The following ANO5 variants were observed in gnomAD, a reference collection of about 807,000 sequenced individuals.
ANO5 encodes anoctamin 5.
Under a neutral mutation model 121.0 loss-of-function variants are expected in ANO5, and 109 were observed. The observed-to-expected ratio is 0.90, with a 90% CI of 0.77 to 1.06. The LOEUF is 1.06. Among genes scored for constraint, ANO5 ranks in the 50% least tolerant of loss-of-function variants. ANO5 has a pLI of 0.00. For synonymous variants in ANO5, 406 were observed against 359.9 expected, an observed-to-expected ratio of 1.13 and a Z score of -1.45; for missense variants, 1,064 against 1,078.5, an observed-to-expected ratio of 0.99 and a Z score of 0.19.
chr11:22,203,539 A>G (rs924428687), intron 1 of ANO5, among the ~76,000 whole-genome samples: 6 of 152,146 alleles, frequency 3.9e-5, no homozygotes, highest in African/African-American at 9.6e-5. Context: ...CATTGATCAG[A>G]GTTAAGTTTA....
intron 9 of ANO5, 50 bp downstream of exon 9, chr11:22,239,734 T>C (rs1412435516): frequency 2.2e-6 from 3 of 1,383,320 alleles, no homozygotes; most frequent in Non-Finnish European, 3.1e-6. Flanking sequence ...TAATGTGATT[T>C]TTATTCACAA....
intron 17 of ANO5, 124 bp downstream of exon 17, chr11:22,263,167 C>T: frequency 1.3e-6 from 1 of 762,420 alleles, no homozygotes; most frequent in Non-Finnish European, 2.2e-6. Context: ...CAAAAGAAAG[C>T]TTTATTTTTA....
At chr11:22,239,836 G>C (rs1164151120) in intron 9 of ANO5, 152 bp downstream of exon 9, 1 of 664,406 alleles carries the variant, frequency 1.5e-6, no homozygotes, top group Non-Finnish European at 2.7e-6. Context: ...AATTCATTTA[G>C]GAGAATGTTG....
chr11:22,243,693 A>T (rs1838160787), intron 9 of ANO5, among the ~76,000 whole-genome samples: 1 of 38,560 alleles, frequency 2.6e-5, no homozygotes, highest in African/African-American at 5.4e-5. Flanking sequence ...AGATTTTCTA[A>T]TTTATGTGCA....
intron 18 of ANO5, among the ~76,000 whole-genome samples, chr11:22,272,302 GCACACACACACA>G (rs60487083): frequency 6.3e-4 from 85 of 134,570 alleles, no homozygotes; most frequent in Non-Finnish European, 7.9e-4. Context: ...TCCTTTTCCG[GCACACACACACA>G]CACACACACA....
chr11:22,257,510 T>G (rs1235405607), intron 13 of ANO5, among the ~76,000 whole-genome samples, 170 bp from the exon 14 acceptor site: 2 of 152,110 alleles, frequency 1.3e-5, no homozygotes, highest in Non-Finnish European at 2.9e-5. Context: ...GGCCTGGAGA[T>G]TTCTCCTTCA....
At chr11:22,274,865 T>G (rs1174394877) in intron 20 of ANO5, 118 bp downstream of exon 20, 1 of 1,301,562 alleles carries the variant, frequency 7.7e-7, no homozygotes, top group Non-Finnish European at 1.1e-6. Flanking sequence ...ACAAAAATCC[T>G]GTATAAATAA....
Position 22,240,522 on chromosome 11 carries a change from C to T in ANO5, c.878+838C>T, listed in dbSNP as rs139811722. Among the ~76,000 whole-genome samples the T allele has an allele frequency of 3.4e-3, 514 of 152,122 alleles. 2 individuals carry two copies. Among genetic ancestry groups the T allele is most frequent in the African/African-American group, 0.012 (495 of 41,522 alleles). On this transcript the variant is annotated intron_variant, in intron 9 of 21. Coordinates refer to ENST00000324559, the MANE Select transcript of ANO5 (RefSeq NM_213599.3). ...AGTATGTTTAAGTCAAACTAGAGGA[C>T]ACATTTTGGAAAATTAATGTCACTT... is the stretch of plus-strand genomic sequence containing the variant.
intron 5 of ANO5, among the ~76,000 whole-genome samples, chr11:22,222,802 C>T (rs751141747): frequency 5.9e-5 from 9 of 151,966 alleles, no homozygotes; most frequent in Non-Finnish European, 1.3e-4. Flanking sequence ...TGTATTTGTG[C>T]CCATGGACCT....
intron 17 of ANO5, among the ~76,000 whole-genome samples, chr11:22,266,082 T>G (rs1854354766): frequency 6.6e-6 from 1 of 152,202 alleles, no homozygotes; most frequent in Non-Finnish European, 1.5e-5. Flanking sequence ...ATGTGAAACT[T>G]GCTCCTCATT....
chr11:22,238,536 C>T (rs1176191003), intron 8 of ANO5, among the ~76,000 whole-genome samples: 2 of 152,070 alleles, frequency 1.3e-5, no homozygotes, highest in East Asian at 3.9e-4. Context: ...CAGTGTTAGG[C>T]ACTGGATTTT....
chr11:22,246,676 A>G (rs1211831919), intron 9 of ANO5, among the ~76,000 whole-genome samples: 2 of 151,910 alleles, frequency 1.3e-5, no homozygotes, highest in African/African-American at 4.8e-5. Flanking sequence ...GTTTCTACCT[A>G]AAAAATAATA....
At chr11:22,276,768 A>G (rs1326075443) in intron 21 of ANO5, among the ~76,000 whole-genome samples, 1 of 150,954 alleles carries the variant, frequency 6.6e-6, no homozygotes, top group South Asian at 2.1e-4. Flanking sequence ...CAGAGGCAGT[A>G]TTGGGCAAAG....
chr11:22,246,195 C>T (rs540573568), intron 9 of ANO5, among the ~76,000 whole-genome samples: 3 of 152,186 alleles, frequency 2.0e-5, no homozygotes, highest in Non-Finnish European at 4.4e-5. Context: ...CTTCCAGTCT[C>T]ACTCTTTTCA....
chr11:22,265,555 G>C (rs1184046037), intron 17 of ANO5, among the ~76,000 whole-genome samples: 2 of 152,100 alleles, frequency 1.3e-5, no homozygotes, highest in African/African-American at 2.4e-5. Context: ...TTATTTGGTA[G>C]ACTCTAAAGT....
At chr11:22,262,446 G>C in intron 16 of ANO5, 148 bp downstream of exon 16, 1 of 839,562 alleles carries the variant, frequency 1.2e-6, no homozygotes, top group Non-Finnish European at 1.8e-6. Context: ...GTTCACAGAT[G>C]AATCCTGTCA....
At chr11:22,219,348 G>T (rs1852563885) in intron 4 of ANO5, among the ~76,000 whole-genome samples, 1 of 152,026 alleles carries the variant, frequency 6.6e-6, no homozygotes, top group Admixed American at 6.6e-5. Flanking sequence ...TTTTCTTGCT[G>T]TCGAATACTC....
chr11:22,208,498 G>A (rs973907787), intron 2 of ANO5, among the ~76,000 whole-genome samples: 1 of 151,972 alleles, frequency 6.6e-6, no homozygotes, highest in Non-Finnish European at 1.5e-5. Context: ...GAACAAATTA[G>A]TGATTTCTAA....
chr11:22,255,130 A>T (rs2133720949), intron 12 of ANO5, among the ~76,000 whole-genome samples: 1 of 152,282 alleles, frequency 6.6e-6, no homozygotes, highest in South Asian at 2.1e-4. Context: ...TCTGAAAAAA[A>T]TTCTTGCTTG....
Sources: allele counts gnomAD v4.1 joint callset (sites outside exome capture counted in the v4.1 genomes callset), GRCh38; gene constraint gnomAD v4.1.1; transcripts MANE v1.5; gene names NCBI Gene and HGNC (gene_info 2026-07-23, HGNC 2026-07-21).